UBAC1: variants seen among roughly 807,000 people sequenced by gnomAD.
UBAC1 encodes the protein UBA domain containing 1, also known as ubiquitin-associated domain-containing protein 1.
Under a neutral mutation model 45.9 loss-of-function variants are expected in UBAC1, and 27 were observed. The ratio of observed to expected loss-of-function variants is 0.59; its 90% CI spans 0.43 to 0.81. The LOEUF (loss-of-function observed/expected upper bound fraction) is 0.81. Ranked by LOEUF, UBAC1 falls within the 30% of genes least tolerant of loss-of-function variation. The probability of loss-of-function intolerance (pLI) is 0.00; values close to 1 mark genes in which losing one functional copy is unlikely to be tolerated. For synonymous variants in UBAC1, 227 were observed against 215.5 expected, an observed-to-expected ratio of 1.05 and a Z score of -0.47; for missense variants, 529 against 539.2, an observed-to-expected ratio of 0.98 and a Z score of 0.19.
At chr9:135,946,952 C>T (rs1322124333) in intron 4 of UBAC1, among the ~76,000 whole-genome samples, 4 of 152,174 alleles carry the variant, frequency 2.6e-5, no homozygotes, top group Non-Finnish European at 4.4e-5. Context: ...ACCTCTGAGC[C>T]GGACACACAC....
chr9:135,942,650 CAAA>C (rs35653463), intron 7 of UBAC1, among the ~76,000 whole-genome samples: 6 of 95,820 alleles, frequency 6.3e-5, no homozygotes, highest in African/African-American at 8.3e-5. Flanking sequence ...GAAACTGTCT[CAAA>C]AAAAAAAAAA....
chr9:135,959,478 G>A (rs1226278946), intron 1 of UBAC1, among the ~76,000 whole-genome samples: 2 of 148,600 alleles, frequency 1.3e-5, no homozygotes, highest in African/African-American at 2.5e-5. Context: ...GGGTTCAAGC[G>A]ATTACCCTGC....
rs1369154720 is a variant in UBAC1, at chr9:135,961,236, G to A, written c.-74C>T. 6 of 1,380,784 alleles carry A rather than the reference G, an allele frequency of 4.3e-6. No homozygotes were observed. Among genetic ancestry groups the A allele is most frequent in the Admixed American group, 7.6e-5 (2 of 26,168 alleles). 85.5% of individuals were successfully genotyped at this position (1,380,784 alleles called of 1,614,324 possible). A position where few individuals can be genotyped will look rare whatever the true frequency, so the allele number is the denominator to read the frequency against. ...TCACCGGGAAGGCGGGCGGGGAGGG[G>A]GCGGGGCCAGACCGCCCGCGCGCTC... On this transcript the variant is annotated 5_prime_UTR_variant, in exon 1 of 10. Transcript: ENST00000371756.
intron 8 of UBAC1, among the ~76,000 whole-genome samples, chr9:135,939,256 C>T (rs1839237938): frequency 6.6e-6 from 1 of 151,050 alleles, no homozygotes; most frequent in Non-Finnish European, 1.5e-5. Flanking sequence ...AAAATATGTA[C>T]ATATAAGGCA....
chr9:135,936,476 C>T (rs1839203851), intron 9 of UBAC1, among the ~76,000 whole-genome samples: 1 of 150,312 alleles, frequency 6.7e-6, no homozygotes. Flanking sequence ...TTCTGACTTT[C>T]GGATAGGAGG....
intron 7 of UBAC1, 92 bp from the exon 8 acceptor site, chr9:135,939,851 T>C: frequency 9.4e-7 from 1 of 1,067,698 alleles, no homozygotes; most frequent in Non-Finnish European, 1.4e-6. Context: ...CCCCGCACCC[T>C]AGCGGAGGGT....
At position 135,945,717 on chromosome 9, in the gene UBAC1, T is replaced by C. The variant is rs1839323237; in HGVS notation, c.653+172A>G. On this transcript the variant is annotated intron_variant, in intron 6 of 9. Transcript: ENST00000371756. Reference sequence around the variant, plus strand: ...TTTACACAACGACTGTTCTGTCACATTCACCCCAAAAACACTTTGGAGGCA... The same window carrying C: ...TTTACACAACGACTGTTCTGTCACACTCACCCCAAAAACACTTTGGAGGCA... 15 of 603,804 alleles carry C rather than the reference T, an allele frequency of 2.5e-5. No homozygotes were observed. In the South Asian group the frequency reaches 2.6e-4, roughly 10 times the overall value. The allele number at this position is 603,804 out of a possible 1,614,324, so 37.4% of individuals were successfully genotyped here.
chr9:135,936,144 G>C (rs903191996), intron 9 of UBAC1, among the ~76,000 whole-genome samples: 2 of 151,964 alleles, frequency 1.3e-5, no homozygotes, highest in Admixed American at 6.6e-5. Flanking sequence ...CGCCATCACT[G>C]CACTCTAGCC....
chr9:135,935,971 A>G (rs1338865899), intron 9 of UBAC1, among the ~76,000 whole-genome samples: 2 of 150,688 alleles, frequency 1.3e-5, no homozygotes, highest in Non-Finnish European at 3.0e-5. Context: ...GCTTGCAGTG[A>G]GCTGAGATCG....
At chr9:135,948,759 G>C (rs889538708) in intron 3 of UBAC1, among the ~76,000 whole-genome samples, 1 of 152,240 alleles carries the variant, frequency 6.6e-6, no homozygotes, top group African/African-American at 2.4e-5. Context: ...CAGCCACCCA[G>C]TCCCAAAGCG....
intron 3 of UBAC1, among the ~76,000 whole-genome samples, chr9:135,949,570 T>C (rs1366425271): frequency 6.6e-6 from 1 of 152,206 alleles, no homozygotes; most frequent in Non-Finnish European, 1.5e-5. Context: ...CCTCACGTAC[T>C]GCATACGGCT....
chr9:135,938,404 G>A, intron 8 of UBAC1, 44 bp from the exon 9 acceptor site: 4 of 1,594,164 alleles, frequency 2.5e-6, no homozygotes, highest in Non-Finnish European at 3.4e-6. Context: ...CGCCTTCAGT[G>A]CCTCCGCAAG....
Position 135,945,267 on chromosome 9 carries a change from T to C in UBAC1, c.654-17A>G, listed in dbSNP as rs10776856. 808,940 of 1,545,676 alleles carry C rather than the reference T, an allele frequency of 0.52. 212,859 individuals carry two copies. Among genetic ancestry groups the C allele is most frequent in the Admixed American group, 0.57 (29,142 of 50,988 alleles). ...ACCGACATGCTGCAAGGCAAGAGAC[T>C]CTTTCCAACATCCCCAGACTAACGG... On this transcript the variant is annotated splice_polypyrimidine_tract_variant and intron_variant, in intron 6 of 9. Coordinates refer to ENST00000371756, the MANE Select transcript of UBAC1 (RefSeq NM_016172.3).
Position 135,961,286 on chromosome 9 carries a change from C to A in UBAC1, c.-124G>T. ...CCTTCGCTGGGCCGCCGCCCCGCCC[C>A]GGCTCCCGTCGGCCGGGCCGCCGTC... On this transcript the variant is annotated 5_prime_UTR_variant, in exon 1 of 10. Coordinates refer to ENST00000371756, the MANE Select transcript of UBAC1 (RefSeq NM_016172.3). 1 of 831,594 alleles carries A rather than the reference C, an allele frequency of 1.2e-6. No homozygotes were observed. Among genetic ancestry groups the A allele is most frequent in the Non-Finnish European group, 1.5e-6 (1 of 668,136 alleles). The allele number at this position is 831,594 out of a possible 1,614,324, so 51.5% of individuals were successfully genotyped here.
At chr9:135,954,592 G>A (rs746438831) in intron 2 of UBAC1, among the ~76,000 whole-genome samples, 1 of 152,228 alleles carries the variant, frequency 6.6e-6, no homozygotes, top group Non-Finnish European at 1.5e-5. Flanking sequence ...CAGGAGGCAG[G>A]CACAGCACGG....
Position 135,961,125 on chromosome 9 carries a change from A to G in UBAC1, c.38T>C (p.Val13Ala). The change falls in exon 1 of 10, where the codon GTG becomes GCG. Residue 13 changes from valine to alanine, a missense_variant. Transcript: ENST00000371756. Reference sequence around the variant, plus strand: ...GGACGCGCAGATGTGCAGCCGCAGCACCTTGCCCGCGAAGATCTTCTCCTC... The same window carrying G: ...GGACGCGCAGATGTGCAGCCGCAGCGCCTTGCCCGCGAAGATCTTCTCCTC... The part of the protein sequence containing the change: ...VQEEKIFAGK[V>A]LRLHICASDG... 2 of 1,586,786 alleles carry G rather than the reference A, an allele frequency of 1.3e-6. No homozygotes were observed. Among genetic ancestry groups the G allele is most frequent in the Non-Finnish European group, 1.7e-6 (2 of 1,172,012 alleles).
chr9:135,948,409 C>T (rs577742534), intron 3 of UBAC1, among the ~76,000 whole-genome samples: 122 of 152,356 alleles, frequency 8.0e-4, no homozygotes, highest in Admixed American at 4.4e-3. Context: ...GAGGGATCAG[C>T]GGAGCTACAA....
At position 135,947,897 on chromosome 9, in the gene UBAC1, T is replaced by C; in HGVS notation, c.342A>G (p.Gln114=). ...ADVSAEEKKK[Q]DQKAPDKEAI... ...CCTCTTTATCTGGAGCTTTCTGGTC[T>C]TGTTTTTTCTACACAGAAACGTAAT... The change falls in exon 4 of 10, where the codon CAA becomes CAG. Residue 114 remains glutamine (Q), a synonymous_variant. Transcript: ENST00000371756. 6.2e-7 allele frequency: 1 copy of C among 1,613,854 alleles called. No individual in the cohort carries two copies. Among genetic ancestry groups the C allele is most frequent in the Non-Finnish European group, 8.5e-7 (1 of 1,179,882 alleles).
At chr9:135,960,943 G>A (rs35679979) in intron 1 of UBAC1, 82 bp downstream of exon 1, 354,764 of 1,289,258 alleles carry the variant, frequency 0.28, 50,859 homozygotes, top group Non-Finnish European at 0.3. Flanking sequence ...CCAGGTCGGG[G>A]CGGTTCGGGG....
Sources: allele counts gnomAD v4.1 joint callset (sites outside exome capture counted in the v4.1 genomes callset), GRCh38; gene constraint gnomAD v4.1.1; transcripts MANE v1.5; gene names NCBI Gene and HGNC (gene_info 2026-07-23, HGNC 2026-07-21).